The following EMSY variants were observed in gnomAD, a reference collection of about 807,000 sequenced individuals.
The protein encoded by EMSY is BRCA2-interacting transcriptional repressor EMSY.
EMSY carries 26 observed loss-of-function variants against 134.6 expected under a neutral mutation model. That is an observed-to-expected ratio of 0.19 (90% CI 0.14 to 0.27). EMSY has a LOEUF of 0.27. EMSY is among the 10% of genes least tolerant of loss of function. The probability of loss-of-function intolerance (pLI) is 1.00; values close to 1 mark genes in which losing one functional copy is unlikely to be tolerated. For synonymous variants in EMSY, 579 were observed against 577.8 expected (o/e 1.00, Z -0.03); for missense variants, 1,305 against 1,611.4 (o/e 0.81, Z 3.26).
intron 9 of EMSY, among the ~76,000 whole-genome samples, chr11:76,503,217 C>G (rs1949943733): frequency 7.0e-6 from 1 of 142,582 alleles, no homozygotes; most frequent in South Asian, 2.3e-4. Context: ...AGGAGAATCA[C>G]TTGTACCTGA....
intron 9 of EMSY, among the ~76,000 whole-genome samples, chr11:76,505,299 A>C (rs1338167343): frequency 2.0e-5 from 3 of 150,264 alleles, no homozygotes; most frequent in Non-Finnish European, 4.4e-5. Context: ...GGGTTCAAGC[A>C]ATTCTCCTGC....
At chr11:76,464,178 C>A in intron 7 of EMSY, 98 bp downstream of exon 8, 1 of 1,378,874 alleles carries the variant, frequency 7.3e-7, no homozygotes, top group Non-Finnish European at 1.0e-6. Flanking sequence ...ATGTGCTTGG[C>A]ATTATGCTGG....
exon 9 of EMSY, chr11:76,496,394 T>C: frequency 6.2e-7 from 1 of 1,614,100 alleles, no homozygotes. Flanking sequence ...TTCTCCAGTA[T>C]CTCATCAGCA....
intron 2 of EMSY, among the ~76,000 whole-genome samples, chr11:76,450,977 TG>T (rs1947643294): frequency 6.6e-6 from 1 of 151,872 alleles, no homozygotes; most frequent in South Asian, 2.1e-4. Context: ...GTATTTTTTT[TG>T]TACAGCCAGA....
At chr11:76,516,087 A>G in intron 10 of EMSY, 55 bp from the exon 12 acceptor site, 3 of 1,440,496 alleles carry the variant, frequency 2.1e-6, no homozygotes, top group South Asian at 2.5e-5. Flanking sequence ...TGTATTAATT[A>G]TCATTCTTCT....
chr11:76,484,453 A>G (rs1949101566), intron 8 of EMSY, among the ~76,000 whole-genome samples: 1 of 152,230 alleles, frequency 6.6e-6, no homozygotes, highest in Non-Finnish European at 1.5e-5. Flanking sequence ...AAAATCAGTG[A>G]ATCCAGGAGC....
At chr11:76,516,441 C>T (rs1950454285) in intron 11 of EMSY, 129 bp downstream of exon 12, 1 of 578,584 alleles carries the variant, frequency 1.7e-6, no homozygotes, top group East Asian at 3.2e-5. Context: ...TGTTTTAGTC[C>T]TTATGTTTCA....
chr11:76,522,758 A>G (rs1166352123), intron 11 of EMSY, among the ~76,000 whole-genome samples: 1 of 152,076 alleles, frequency 6.6e-6, no homozygotes, highest in Non-Finnish European at 1.5e-5. Context: ...CATTTACTTC[A>G]TGTTCTTTTT....
intron 8 of EMSY, among the ~76,000 whole-genome samples, chr11:76,482,245 G>A (rs1949011395): frequency 6.6e-6 from 1 of 152,158 alleles, no homozygotes. Context: ...CCATCTAAAA[G>A]TCACCAACAT....
chr11:76,499,803 C>T (rs1325452249), intron 9 of EMSY, among the ~76,000 whole-genome samples: 2 of 151,914 alleles, frequency 1.3e-5, no homozygotes, highest in Non-Finnish European at 2.9e-5. Flanking sequence ...TTAGCGTTTG[C>T]TTATGGTATT....
intron 11 of EMSY, among the ~76,000 whole-genome samples, chr11:76,521,587 A>AC (rs368384662): frequency 1.6e-4 from 25 of 151,868 alleles, no homozygotes; most frequent in African/African-American, 5.6e-4. Context: ...ATGTAGTAAG[A>AC]CCCCATCTCT....
At chr11:76,472,700 T>G in exon 8 of EMSY, 1 of 1,614,222 alleles carries the variant, frequency 6.2e-7, no homozygotes, top group East Asian at 2.2e-5. Context: ...CCAGTTGTTA[T>G]AACTGCTTCA....
At chr11:76,449,900 A>G (rs1278051534) in intron 2 of EMSY, among the ~76,000 whole-genome samples, 2 of 152,182 alleles carry the variant, frequency 1.3e-5, no homozygotes, top group African/African-American at 2.4e-5. Flanking sequence ...GTAATGTTCA[A>G]TTAGTAGTTT....
chr11:76,503,909 C>T (rs1014547703), intron 9 of EMSY, among the ~76,000 whole-genome samples: 4 of 151,938 alleles, frequency 2.6e-5, no homozygotes, highest in South Asian at 2.1e-4. Context: ...TTCAGCCTCC[C>T]GAGTAGCTGG....
Position 76,523,310 on chromosome 11 carries a change from T to G in EMSY, c.1821+19T>G. On this transcript the variant is annotated intron_variant, in intron 12 of 20. Coordinates refer to ENST00000334736, the Ensembl canonical transcript of EMSY. ...TGCTGGAGTAAGTGAGAGCTTCAAC[T>G]GCAGACTTAGCAATTCACAGAGGAT... The G allele has an allele frequency of 6.2e-7, 1 of 1,602,438 alleles. No homozygotes were observed. Among genetic ancestry groups the G allele is most frequent in the Non-Finnish European group, 8.5e-7 (1 of 1,176,242 alleles).
rs1360908314 is a variant in EMSY at position 76,539,653 on chromosome 11, C to T, written c.2557+13C>T. ...TTTCCCCTTCTAGGTAAGTGGTGTG[C>T]ATCCATTTGTAGTATCACTGAAGGT... On this transcript the variant is annotated intron_variant, in intron 17 of 20. Transcript: ENST00000334736. The T allele has an allele frequency of 6.2e-7, 1 of 1,611,890 alleles. No individual in the cohort carries two copies. Among genetic ancestry groups the T allele is most frequent in the African/African-American group, 1.3e-5 (1 of 74,878 alleles).
At chr11:76,454,849 G>C (rs1019486161) in intron 4 of EMSY, 59 bp downstream of exon 5, 6 of 1,237,618 alleles carry the variant, frequency 4.8e-6, no homozygotes, top group Non-Finnish European at 6.6e-6. Context: ...CCAAATTGAA[G>C]CTCTCAATTA....
intron 9 of EMSY, among the ~76,000 whole-genome samples, chr11:76,503,547 A>G (rs1017365259): frequency 1.3e-5 from 2 of 152,190 alleles, no homozygotes; most frequent in Admixed American, 1.3e-4. Context: ...GTTGGGACAA[A>G]TGAATAGATA....
intron 8 of EMSY, among the ~76,000 whole-genome samples, chr11:76,483,069 C>G (rs1352491154): frequency 6.6e-6 from 1 of 152,208 alleles, no homozygotes; most frequent in East Asian, 1.9e-4. Flanking sequence ...AGAAACCCTA[C>G]AAGCCAGAAG....
Sources: gnomAD v4.1 joint callset for allele counts (sites outside exome capture counted in the v4.1 genomes callset) on GRCh38, gnomAD v4.1.1 for gene constraint, MANE v1.5 for transcripts, NCBI Gene and HGNC (gene_info 2026-07-23, HGNC 2026-07-21) for gene names.